The following COL4A4 variants were observed in gnomAD, a reference collection of about 807,000 sequenced individuals.
The protein encoded by COL4A4 is collagen type IV alpha 4 chain, also known as collagen alpha-4(IV) chain.
Under a neutral mutation model 192.9 loss-of-function variants are expected in COL4A4, and 105 were observed. That is an observed-to-expected ratio of 0.54 (90% CI 0.46 to 0.64). COL4A4 has a LOEUF of 0.64. COL4A4 is among the 30% of genes least tolerant of loss of function. COL4A4 has a pLI of 0.00. For missense variants in COL4A4, 1,967 were observed against 2,169.3 expected, an observed-to-expected ratio of 0.91 and a Z score of 1.85; for synonymous variants, 762 against 769.9, an observed-to-expected ratio of 0.99 and a Z score of 0.17.
At chr2:226,986,054 A>C in the COL4A4 span, among the ~76,000 whole-genome samples, 2 of 152,222 alleles carry the variant, frequency 1.3e-5, no homozygotes, top group Admixed American at 6.5e-5. Context: ...AGGGCATTTC[A>C]CCTCTATGGT....
the COL4A4 span, among the ~76,000 whole-genome samples, chr2:226,979,079 A>C: frequency 4.6e-5 from 7 of 152,266 alleles, no homozygotes; most frequent in African/African-American, 1.7e-4. Context: ...GAAAGAAAGA[A>C]GCTATTCGTG....
intron 32 of COL4A4, among the ~76,000 whole-genome samples, 175 bp downstream of exon 32, chr2:227,052,130 G>T (rs1370572165): frequency 2.0e-5 from 3 of 152,034 alleles, no homozygotes; most frequent in African/African-American, 7.3e-5. Context: ...GGCAGAGGTT[G>T]CAGTGAGCTG....
At chr2:227,154,430 T>C (rs1323107259) in intron 1 of COL4A4, among the ~76,000 whole-genome samples, 1 of 152,202 alleles carries the variant, frequency 6.6e-6, no homozygotes, top group Non-Finnish European at 1.5e-5. Context: ...GGGGACCAGA[T>C]AAACAGAACA....
At chr2:227,013,590 G>C (rs944919233) in intron 44 of COL4A4, among the ~76,000 whole-genome samples, 1 of 152,180 alleles carries the variant, frequency 6.6e-6, no homozygotes, top group African/African-American at 2.4e-5. Flanking sequence ...AAGCCACGGA[G>C]GGAGGCCTTG....
At chr2:226,997,320 AC>A in the COL4A4 span, 1 of 152,358 alleles carries the variant, frequency 6.6e-6, no homozygotes, top group African/African-American at 2.4e-5. Flanking sequence ...GACTCCCGTT[AC>A]CCCAATTAGA....
intron 9 of COL4A4, 64 bp downstream of exon 9, chr2:227,111,614 A>T: frequency 6.4e-7 from 1 of 1,553,140 alleles, no homozygotes; most frequent in Non-Finnish European, 8.9e-7. Context: ...TGCTGGGATT[A>T]AAACGTGGAT....
At chr2:226,985,240 A>G in the COL4A4 span, among the ~76,000 whole-genome samples, 1 of 152,186 alleles carries the variant, frequency 6.6e-6, no homozygotes, top group East Asian at 1.9e-4. Context: ...ATCTACATTC[A>G]TATCCATATC....
rs2149720794 is a variant in COL4A4 at position 227,008,114 on chromosome 2, G to A, written c.4713C>T (p.Ala1571=). The change falls in exon 47 of 48, where the codon GCC becomes GCT. Residue 1571 remains alanine (A), a synonymous_variant. Coordinates refer to ENST00000396625, the MANE Select transcript of COL4A4 (RefSeq NM_000092.5). ...PYVSRCAVCE[A]PAQAVAVHSQ... is the part of the protein sequence containing the mutation. ...TGTGCACCGCCACCGCCTGGGCCGG[G>A]GCCTCGCATACCGCACAGCGGCTGA... The A allele has an allele frequency of 6.2e-7, 1 of 1,614,048 alleles. No homozygotes were observed. Among genetic ancestry groups the A allele is most frequent in the Non-Finnish European group, 8.5e-7 (1 of 1,179,982 alleles).
In COL4A4 at chr2:227,051,288, C is replaced by T. The variant is rs539059246; in HGVS notation, c.2969-130G>A. 5.2e-5 allele frequency: 48 copies of T among 923,920 alleles called. No individual in the cohort carries two copies. The African/African-American group carries it at 6.8e-4, about 13-fold the overall frequency. The allele number at this position is 923,920 out of a possible 1,614,324, so 57.2% of individuals were successfully genotyped here. A position where few individuals can be genotyped will look rare whatever the true frequency, so the allele number is the denominator to read the frequency against. ...TGAGGATTCTGATTGCTGTCCCAAG[C>T]CGCTTCCTGATCATTTCTGGCTTCA... is the stretch of plus-strand genomic sequence containing the variant. On this transcript the variant is annotated intron_variant, in intron 32 of 47. Transcript: ENST00000396625.
chr2:227,094,952 C>T (rs909670704), intron 19 of COL4A4, among the ~76,000 whole-genome samples: 1 of 152,064 alleles, frequency 6.6e-6, no homozygotes, highest in Non-Finnish European at 1.5e-5. Context: ...AGATTACTAG[C>T]CGTAAAGCAG....
intron 1 of COL4A4, among the ~76,000 whole-genome samples, chr2:227,156,524 C>T (rs1197580509): frequency 1.3e-5 from 2 of 151,642 alleles, no homozygotes; most frequent in Non-Finnish European, 2.9e-5. Context: ...ATGACAGTAC[C>T]TTATAAAGTA....
At chr2:227,098,943 A>AT in intron 18 of COL4A4, 145 bp from the exon 19 acceptor site, 1 of 682,220 alleles carries the variant, frequency 1.5e-6, no homozygotes, top group South Asian at 1.8e-5. Flanking sequence ...GAAATATCTT[A>AT]AATGTGAACC....
chr2:227,095,736 A>C (rs957061387), intron 19 of COL4A4, among the ~76,000 whole-genome samples: 17 of 152,130 alleles, frequency 1.1e-4, no homozygotes, highest in African/African-American at 3.9e-4. Flanking sequence ...CTCTACTAAA[A>C]ATACAAAAAT....
At chr2:227,137,844 G>GT (rs925224865) in intron 4 of COL4A4, among the ~76,000 whole-genome samples, 7 of 151,686 alleles carry the variant, frequency 4.6e-5, no homozygotes, top group South Asian at 4.2e-4. Context: ...AGGCACTGAG[G>GT]TTTTTTTTCC....
chr2:226,976,089 G>A, the COL4A4 span, among the ~76,000 whole-genome samples: 17 of 151,484 alleles, frequency 1.1e-4, no homozygotes, highest in Admixed American at 1.1e-3. Context: ...TTGGAGCAGA[G>A]GTACAAAGCC....
chr2:226,981,707 C>T, the COL4A4 span, among the ~76,000 whole-genome samples: 7 of 152,206 alleles, frequency 4.6e-5, no homozygotes, highest in Non-Finnish European at 7.3e-5. Flanking sequence ...AATACAGAAA[C>T]AGGCGTGGTT....
chr2:227,015,428 G>C (rs1387375565), intron 44 of COL4A4, among the ~76,000 whole-genome samples: 2 of 152,074 alleles, frequency 1.3e-5, no homozygotes, highest in Non-Finnish European at 1.5e-5. Context: ...GTCTGGGGGG[G>C]ACCTCAGCGA....
At chr2:226,976,926 G>A in the COL4A4 span, among the ~76,000 whole-genome samples, 1 of 152,140 alleles carries the variant, frequency 6.6e-6, no homozygotes, top group Non-Finnish European at 1.5e-5. Flanking sequence ...CCCATTGAAA[G>A]AGCCATTATC....
chr2:227,061,007 T>C (rs1976865756), intron 26 of COL4A4, among the ~76,000 whole-genome samples: 2 of 152,228 alleles, frequency 1.3e-5, no homozygotes, highest in African/African-American at 4.8e-5. Context: ...ATTACAGGCA[T>C]GAGCCACCGC....
Sources: allele counts gnomAD v4.1 joint callset (sites outside exome capture counted in the v4.1 genomes callset), GRCh38; gene constraint gnomAD v4.1.1; transcripts MANE v1.5; gene names NCBI Gene and HGNC (gene_info 2026-07-23, HGNC 2026-07-21).